GSG1L: variants seen among roughly 807,000 people sequenced by gnomAD.
GSG1L encodes the protein germ cell-specific gene 1-like protein.
Under a neutral mutation model 42.1 loss-of-function variants are expected in GSG1L, and 24 were observed. That is an observed-to-expected ratio of 0.57 (90% CI 0.41 to 0.80). GSG1L has a LOEUF of 0.80. Among genes scored for constraint, GSG1L ranks in the 30% least tolerant of loss-of-function variants. GSG1L has a pLI of 0.00. For synonymous variants in GSG1L, 215 were observed against 203.5 expected (o/e 1.06, Z -0.48); for missense variants, 445 against 472.2 (o/e 0.94, Z 0.53).
intron 3 of GSG1L, among the ~76,000 whole-genome samples, chr16:27,867,801 C>A (rs1379236598): frequency 5.0e-5 from 7 of 140,558 alleles, no homozygotes; most frequent in Non-Finnish European, 1.0e-4. Context: ...GGCCACGCCC[C>A]CTGAGGCCAC....
At position 27,791,220 on chromosome 16, in the gene GSG1L, G is replaced by A. The variant is rs1235485159; in HGVS notation, c.*150C>T. The A allele has an allele frequency of 2.5e-5, 11 of 443,374 alleles. No homozygotes were observed. The highest frequency in any genetic ancestry group is 1.9e-4 in the South Asian group (2 of 10,550). The allele number at this position is 443,374 out of a possible 1,614,324, so 27.5% of individuals were successfully genotyped here. ...TCCAAGGCCATGGGACCCAGGCAGC[G>A]ATGGGCAGGACAGGCCTGGCATCTC... On this transcript the variant is annotated 3_prime_UTR_variant, in exon 7 of 7. Transcript: ENST00000447459.
chr16:28,011,411 T>C (rs1015917788), intron 1 of GSG1L, among the ~76,000 whole-genome samples: 1 of 152,166 alleles, frequency 6.6e-6, no homozygotes, highest in African/African-American at 2.4e-5. Flanking sequence ...GATTGAGCAA[T>C]GGACACACTG....
chr16:28,048,826 A>G (rs1347330745), intron 1 of GSG1L, among the ~76,000 whole-genome samples: 2 of 152,234 alleles, frequency 1.3e-5, no homozygotes, highest in Admixed American at 6.5e-5. Flanking sequence ...GCAAACATTA[A>G]CAAACCTCAG....
chr16:27,813,996 T>A lies in GSG1L; in HGVS notation c.831-6442A>T, dbSNP rs969033314. On this transcript the variant is annotated intron_variant, in intron 5 of 6. Coordinates refer to ENST00000447459, the MANE Select transcript of GSG1L (RefSeq NM_001109763.2). ...CGACCGCTGCCACTGCCACCCTGGT[T>A]GTTGTAAGGACTCAAGCCCAGGACC... Among the ~76,000 whole-genome samples the A allele has an allele frequency of 2.0e-5, 3 of 152,298 alleles. No homozygotes were observed. In the East Asian group the frequency reaches 5.8e-4, roughly 29 times the overall value.
At chr16:27,869,644 C>CT (rs2083780442) in intron 3 of GSG1L, among the ~76,000 whole-genome samples, 1 of 123,404 alleles carries the variant, frequency 8.1e-6, no homozygotes, top group Non-Finnish European at 1.6e-5. Flanking sequence ...ATCTCTCTCT[C>CT]CTCTCTGTCT....
chr16:27,979,726 G>GGAAGGAAGGAAGGAAGGAGA (rs1491436872), intron 1 of GSG1L, among the ~76,000 whole-genome samples: 1 of 53,584 alleles, frequency 1.9e-5, no homozygotes, highest in Non-Finnish European at 3.4e-5. Context: ...AAGGAAGGAA[G>GGAAGGAAGGAAGGAAGGAGA]GAAAGAAAAA....
chr16:27,883,480 G>A (rs951672225), intron 3 of GSG1L, among the ~76,000 whole-genome samples: 8 of 152,134 alleles, frequency 5.3e-5, no homozygotes, highest in African/African-American at 1.9e-4. Flanking sequence ...TCTGTGGCAT[G>A]TGCTCTAACT....
At chr16:28,003,580 G>A (rs1003256277) in intron 1 of GSG1L, among the ~76,000 whole-genome samples, 7 of 152,204 alleles carry the variant, frequency 4.6e-5, no homozygotes, top group Non-Finnish European at 1.0e-4. Flanking sequence ...GTAAATCATG[G>A]CCTTGCAGGA....
At position 27,989,359 on chromosome 16, in the gene GSG1L, T is replaced by C. The variant is rs549052245; in HGVS notation, c.350-26156A>G. On this transcript the variant is annotated intron_variant, in intron 1 of 6. Transcript: ENST00000447459. ...CAAAAGCAAATTTCAAATTCTAAAC[T>C]TAAGTCTTCTTGACCCAAACTAACT... Among the ~76,000 whole-genome samples, 133 of 152,342 alleles carry C rather than the reference T, an allele frequency of 8.7e-4. 2 individuals are homozygous for C. The highest frequency in any genetic ancestry group is 3.1e-3 in the African/African-American group (128 of 41,582).
At chr16:27,939,713 C>T (rs552742360) in intron 2 of GSG1L, among the ~76,000 whole-genome samples, 25 of 152,292 alleles carry the variant, frequency 1.6e-4, no homozygotes, top group South Asian at 2.1e-4. Flanking sequence ...ATATGCCATA[C>T]GAAAGTTCCC....
chr16:27,990,731 C>T (rs1396978556), intron 1 of GSG1L, among the ~76,000 whole-genome samples: 4 of 152,196 alleles, frequency 2.6e-5, no homozygotes, highest in Non-Finnish European at 4.4e-5. Flanking sequence ...TAAATCCAGA[C>T]CTTTAAAAGT....
intron 2 of GSG1L, among the ~76,000 whole-genome samples, chr16:27,910,651 C>T (rs1056706213): frequency 1.3e-5 from 2 of 152,212 alleles, no homozygotes; most frequent in African/African-American, 4.8e-5. Context: ...CACCCAAACA[C>T]ACACAGGTAC....
intron 2 of GSG1L, among the ~76,000 whole-genome samples, chr16:27,892,113 A>T (rs2141033537): frequency 6.6e-6 from 1 of 152,054 alleles, no homozygotes; most frequent in East Asian, 1.9e-4. Context: ...GTTGATATGC[A>T]GTCCAATTTG....
At chr16:27,948,606 CTTCT>C (rs2084914041) in intron 2 of GSG1L, among the ~76,000 whole-genome samples, 1 of 126,906 alleles carries the variant, frequency 7.9e-6, no homozygotes, top group Admixed American at 8.6e-5. Flanking sequence ...ACTTCTTCTT[CTTCT>C]TTTTTTTTTT....
intron 6 of GSG1L, among the ~76,000 whole-genome samples, chr16:27,794,196 T>A (rs2082791168): frequency 1.3e-5 from 2 of 152,164 alleles, no homozygotes; most frequent in Non-Finnish European, 2.9e-5. Flanking sequence ...TTATTTATTT[T>A]TTGTAGAGAT....
chr16:27,970,602 A>G (rs577922433), intron 1 of GSG1L, among the ~76,000 whole-genome samples: 2 of 150,370 alleles, frequency 1.3e-5, no homozygotes, highest in African/African-American at 4.9e-5. Context: ...GGGTCTCACT[A>G]TGTTGCCCAG....
At chr16:27,869,387 G>C (rs1428568005) in intron 3 of GSG1L, among the ~76,000 whole-genome samples, 1 of 151,488 alleles carries the variant, frequency 6.6e-6, no homozygotes, top group African/African-American at 2.5e-5. Context: ...GCTGCTGTTT[G>C]CTCCCTGTGT....
intron 3 of GSG1L, chr16:27,850,538 T>C: frequency 2.2e-6 from 1 of 455,814 alleles, no homozygotes; most frequent in Non-Finnish European, 4.4e-6. Flanking sequence ...CAACATCTGA[T>C]ATTAAGCAGA....
At chr16:27,977,361 A>G (rs2085262139) in intron 1 of GSG1L, among the ~76,000 whole-genome samples, 1 of 152,122 alleles carries the variant, frequency 6.6e-6, no homozygotes, top group South Asian at 2.1e-4. Context: ...CAGGTGGATC[A>G]CTTGAGGTCA....
Sources: allele counts gnomAD v4.1 joint callset (sites outside exome capture counted in the v4.1 genomes callset), GRCh38; gene constraint gnomAD v4.1.1; transcripts MANE v1.5; gene names NCBI Gene and HGNC (gene_info 2026-07-23, HGNC 2026-07-21).